The following FAM184B variants were observed in gnomAD, a reference collection of about 807,000 sequenced individuals.
FAM184B encodes family with sequence similarity 184 member B.
Under a neutral mutation model 135.9 loss-of-function variants are expected in FAM184B, and 111 were observed. That is an observed-to-expected ratio of 0.82 (90% CI 0.70 to 0.96). The LOEUF is 0.96. FAM184B is among the 40% of genes least tolerant of loss of function. The pLI, the probability that FAM184B is intolerant of heterozygous loss-of-function variation, is 0.00. For missense variants in FAM184B, 1,375 were observed against 1,323.9 expected (o/e 1.04, Z -0.60); for synonymous variants, 552 against 524.8 (o/e 1.05, Z -0.71).
rs1345919376 is a variant in FAM184B, at chr4:17,658,546, T to G, written c.1841A>C (p.Gln614Pro). Residue 614 changes from glutamine (Q) to proline (P), a missense_variant, in exon 10 of 18, where the codon CAG becomes CCG. Physicochemically the swap from Gln to Pro is moderately conservative, Grantham distance 76 (BLOSUM62 -1). Transcript: ENST00000265018. Reference sequence around the variant, plus strand: ...GTTGCTGGTGCACTGCTCCAGAGCCTGCTGCATCTGTGAGACCTGCGCACA... The same window carrying G: ...GTTGCTGGTGCACTGCTCCAGAGCCGGCTGCATCTGTGAGACCTGCGCACA... ...KLQAQVSQMQ[Q>P]ALEQCTSNYR... is the part of the protein sequence containing the mutation. 1 of 1,551,130 alleles carries G rather than the reference T, an allele frequency of 6.4e-7. No homozygotes were observed. Among genetic ancestry groups the G allele is most frequent in the African/African-American group, 1.4e-5 (1 of 73,178 alleles).
At chr4:17,722,015 T>A (rs548618362) in intron 1 of FAM184B, among the ~76,000 whole-genome samples, 2 of 152,118 alleles carry the variant, frequency 1.3e-5, no homozygotes, top group Non-Finnish European at 2.9e-5. Flanking sequence ...GAAGAAGAGT[T>A]AAGGAAGGGG....
chr4:17,721,790 A>T (rs1454218474), intron 1 of FAM184B, among the ~76,000 whole-genome samples: 2 of 152,114 alleles, frequency 1.3e-5, no homozygotes, highest in African/African-American at 4.8e-5. Flanking sequence ...AGTCTGGGGG[A>T]GGTCCCGAGA....
chr4:17,691,685 C>CAA (rs56857959), intron 6 of FAM184B, among the ~76,000 whole-genome samples: 1 of 92,482 alleles, frequency 1.1e-5, no homozygotes, highest in Non-Finnish European at 2.1e-5. Context: ...GATTCCATCT[C>CAA]AAAAAAAAAA....
At chr4:17,751,086 T>C (rs921434818) in intron 1 of FAM184B, among the ~76,000 whole-genome samples, 16 of 151,994 alleles carry the variant, frequency 1.1e-4, no homozygotes, top group African/African-American at 2.9e-4. Flanking sequence ...GGAGGGTGGA[T>C]CACCTGAGGT....
chr4:17,636,553 C>T lies in FAM184B; in HGVS notation c.2759G>A (p.Arg920Lys), dbSNP rs926027663. Residue 920 changes from arginine to lysine, a missense_variant, in exon 15 of 18, where the codon AGA becomes AAA. Coordinates refer to ENST00000265018, the MANE Select transcript of FAM184B (RefSeq NM_015688.2). ...IGRLQTRLKE[R>K]EDIIKQLTEE... Reference sequence around the variant, plus strand: ...CGTGAGCTGCTTGATGATGTCCTCTCTCTCCTTCAGGCGGGTCTGCAGGCG... The same window carrying T: ...CGTGAGCTGCTTGATGATGTCCTCTTTCTCCTTCAGGCGGGTCTGCAGGCG... The T allele has an allele frequency of 6.4e-6, 10 of 1,551,098 alleles. No individual in the cohort carries two copies. Among genetic ancestry groups the T allele is most frequent in the Non-Finnish European group, 8.7e-6 (10 of 1,146,940 alleles).
chr4:17,678,132 A>G (rs983263656), intron 7 of FAM184B, among the ~76,000 whole-genome samples: 3 of 152,166 alleles, frequency 2.0e-5, no homozygotes, highest in African/African-American at 7.2e-5. Context: ...GCCCACTCTC[A>G]CCACTTCTAT....
In FAM184B at chr4:17,675,673, C is replaced by T. The variant is rs185948625; in HGVS notation, c.1597-11014G>A. On this transcript the variant is annotated intron_variant, in intron 7 of 17. Transcript: ENST00000265018. ...TTGAAAATCTGTTGTTTAAGTTAGC[C>T]GTTTTCATCAATGATCTTAGCTAGA... 1.1e-3 allele frequency among the ~76,000 whole-genome samples: 162 copies of T among 152,234 alleles called. 2 individuals are homozygous for T. The South Asian group carries it at 0.023, about 22-fold the overall frequency.
At chr4:17,758,115 C>T (rs926101782) in intron 1 of FAM184B, among the ~76,000 whole-genome samples, 3 of 152,182 alleles carry the variant, frequency 2.0e-5, no homozygotes, top group African/African-American at 7.2e-5. Flanking sequence ...AGAGAAGCCT[C>T]TAAGGTTCTC....
chr4:17,657,655 C>CT (rs58666074), intron 10 of FAM184B, among the ~76,000 whole-genome samples: 6,807 of 114,238 alleles, frequency 0.06, 607 homozygotes, highest in African/African-American at 0.15. Context: ...CTGAGCTGTT[C>CT]TTTTTTTTTT....
intron 10 of FAM184B, among the ~76,000 whole-genome samples, chr4:17,653,397 G>C (rs1174349875): frequency 1.3e-5 from 2 of 152,334 alleles, no homozygotes; most frequent in East Asian, 3.9e-4. Flanking sequence ...GTCTGTGGAG[G>C]AAGCCCAGGG....
At chr4:17,671,964 AAG>A (rs1285435869) in intron 7 of FAM184B, among the ~76,000 whole-genome samples, 1 of 151,958 alleles carries the variant, frequency 6.6e-6, no homozygotes, top group Non-Finnish European at 1.5e-5. Context: ...AAGAAAAAAG[AAG>A]AGAGAAAGGA....
At position 17,729,210 on chromosome 4, in the gene FAM184B, G is replaced by A. The variant is rs1577279969; in HGVS notation, c.142-19566C>T. On this transcript the variant is annotated intron_variant, in intron 1 of 17. Coordinates refer to ENST00000265018, the MANE Select transcript of FAM184B (RefSeq NM_015688.2). The stretch of plus-strand genomic sequence containing the variant: ...CAGCAATGCTGGGGGAGGGGCGCCT[G>A]CCATTGCCCAGGCTTGATTAGGTAA... Among the ~76,000 whole-genome samples the A allele has an allele frequency of 2.0e-5, 3 of 152,352 alleles. No homozygotes were observed. The East Asian group carries it at 5.8e-4, about 29-fold the overall frequency.
chr4:17,776,279 ATAAT>A (rs1718924988), intron 1 of FAM184B, among the ~76,000 whole-genome samples: 1 of 152,252 alleles, frequency 6.6e-6, no homozygotes, highest in South Asian at 2.1e-4. Flanking sequence ...GGAGGAAACT[ATAAT>A]TAAATTGAAC....
At chr4:17,697,646 G>C (rs1039287808) in intron 5 of FAM184B, among the ~76,000 whole-genome samples, 1 of 152,118 alleles carries the variant, frequency 6.6e-6, no homozygotes, top group African/African-American at 2.4e-5. Flanking sequence ...AGCTTTTATT[G>C]AACAGAAGTT....
At position 17,781,227 on chromosome 4, in the gene FAM184B, C is replaced by A; in HGVS notation, c.73G>T (p.Gly25Cys). ...TGGGGATCACAGTCCATTCTCCAGC[C>A]GGCGCCACCGTCGGCTTTGGAGCCC... The part of the protein sequence containing the change: ...CQGSKADGGA[G>C]WRMDCDPQMH... The change falls in exon 1 of 18, where the codon GGC (glycine) becomes TGC (cysteine). Residue 25 changes from glycine (G) to cysteine (C), a missense_variant. By Grantham distance (159) the Gly-to-Cys change is radical. Coordinates refer to ENST00000265018, the MANE Select transcript of FAM184B (RefSeq NM_015688.2). The surrounding 1 kb of genome is among the most constrained non-coding windows in gnomAD (Gnocchi z 6.5). The A allele has an allele frequency of 6.4e-7, 1 of 1,550,960 alleles. No individual in the cohort carries two copies. Among genetic ancestry groups the A allele is most frequent in the Non-Finnish European group, 8.7e-7 (1 of 1,146,688 alleles).
intron 1 of FAM184B, among the ~76,000 whole-genome samples, chr4:17,768,266 G>A (rs1718741337): frequency 1.3e-5 from 2 of 152,196 alleles, no homozygotes; most frequent in South Asian, 4.1e-4. Flanking sequence ...GTGGGCCATA[G>A]TTTTCTGAAC....
At chr4:17,685,484 G>A (rs1716557531) in intron 7 of FAM184B, among the ~76,000 whole-genome samples, 1 of 145,042 alleles carries the variant, frequency 6.9e-6, no homozygotes, top group Non-Finnish European at 1.5e-5. Context: ...GGGAGGTGGA[G>A]TTTGCAGTGA....
At position 17,708,751 on chromosome 4, in the gene FAM184B, G is replaced by A; in HGVS notation, c.894+141C>T. ...GTGTGTGTGTGTGTGTGTAATGAAT[G>A]TAGGTGAATTCAATGGAGATAATAG... On this transcript the variant is annotated intron_variant, in intron 2 of 17. Coordinates refer to ENST00000265018, the MANE Select transcript of FAM184B (RefSeq NM_015688.2). The A allele has an allele frequency of 1.2e-5, 6 of 494,472 alleles. 1 individual carries two copies. In the South Asian group the frequency reaches 1.4e-4, roughly 12 times the overall value. 30.6% of individuals were successfully genotyped at this position (494,472 alleles called of 1,614,324 possible).
At chr4:17,648,921 A>G (rs764301801) in intron 11 of FAM184B, among the ~76,000 whole-genome samples, 1 of 152,216 alleles carries the variant, frequency 6.6e-6, no homozygotes, top group African/African-American at 2.4e-5. Context: ...AATTATTTCA[A>G]AATGAATATT....
Sources: gnomAD v4.1 joint callset for allele counts (sites outside exome capture counted in the v4.1 genomes callset) on GRCh38, gnomAD v4.1.1 for gene constraint, Gnocchi (gnomAD v3.1) non-coding constraint, MANE v1.5 for transcripts, NCBI Gene and HGNC (gene_info 2026-07-23, HGNC 2026-07-21) for gene names.